KCNIP4: variants seen among roughly 807,000 people sequenced by gnomAD.
KCNIP4 encodes potassium voltage-gated channel interacting protein 4.
Under a neutral mutation model 34.0 loss-of-function variants are expected in KCNIP4, and 12 were observed. The ratio of observed to expected loss-of-function variants is 0.35; its 90% CI spans 0.23 to 0.57. The LOEUF (loss-of-function observed/expected upper bound fraction) is 0.57. Ranked by LOEUF, KCNIP4 falls within the 20% of genes least tolerant of loss-of-function variation. The probability of loss-of-function intolerance (pLI) is 0.83; values close to 1 mark genes in which losing one functional copy is unlikely to be tolerated. For synonymous variants in KCNIP4, 124 were observed against 102.2 expected (o/e 1.21, Z -1.29); for missense variants, 238 against 311.7 (o/e 0.76, Z 1.78).
At chr4:21,275,198 G>A (rs1056137381) in intron 1 of KCNIP4, among the ~76,000 whole-genome samples, 2 of 152,138 alleles carry the variant, frequency 1.3e-5, no homozygotes, top group African/African-American at 4.8e-5. Flanking sequence ...GATCCTGACA[G>A]CAAAAATAAT....
In KCNIP4 at chr4:21,470,654, T is replaced by C. The variant is rs187358949; in HGVS notation, c.61+477917A>G. On this transcript the variant is annotated intron_variant, in intron 1 of 8. Transcript: ENST00000382152. ...CTGGCAGGAGAGATGAAGAAGCATA[T>C]GAAAAAATAAAGAGAGGCACACAGT... Among the ~76,000 whole-genome samples, 725 of 151,818 alleles carry C rather than the reference T, an allele frequency of 4.8e-3. 16 individuals are homozygous for C. The highest frequency in any genetic ancestry group is 0.034 in the Admixed American group (514 of 15,234).
chr4:21,886,696 T>C (rs1726782602), intron 1 of KCNIP4, among the ~76,000 whole-genome samples: 1 of 152,156 alleles, frequency 6.6e-6, no homozygotes, highest in African/African-American at 2.4e-5. Context: ...TTAATAACTT[T>C]AAATATCTCC....
At chr4:21,762,540 A>G (rs1718129292) in intron 1 of KCNIP4, among the ~76,000 whole-genome samples, 1 of 152,170 alleles carries the variant, frequency 6.6e-6, no homozygotes, top group African/African-American at 2.4e-5. Context: ...AATACTAACA[A>G]AATTAATTTT....
intron 1 of KCNIP4, among the ~76,000 whole-genome samples, chr4:21,121,741 TG>T (rs1232014658): frequency 6.6e-6 from 1 of 152,208 alleles, no homozygotes; most frequent in Non-Finnish European, 1.5e-5. Flanking sequence ...CATAACCTTT[TG>T]CTTATCTAGG....
intron 1 of KCNIP4, among the ~76,000 whole-genome samples, chr4:21,258,756 C>T (rs554024625): frequency 2.0e-5 from 3 of 152,186 alleles, no homozygotes; most frequent in Admixed American, 1.3e-4. Context: ...AAACTTAAAT[C>T]GCTTCCCTAC....
chr4:21,015,961 G>C (rs1315829844), intron 1 of KCNIP4, among the ~76,000 whole-genome samples: 1 of 142,600 alleles, frequency 7.0e-6, no homozygotes, highest in Non-Finnish European at 1.5e-5. Flanking sequence ...AAGAGAGAAA[G>C]CTTACGGCAT....
intron 1 of KCNIP4, among the ~76,000 whole-genome samples, chr4:21,840,115 A>T (rs1476981050): frequency 6.6e-6 from 1 of 151,984 alleles, no homozygotes; most frequent in African/African-American, 2.4e-5. Flanking sequence ...TAAGTTCATT[A>T]TGCACAGCAG....
At chr4:21,753,776 C>T (rs1380270) in intron 1 of KCNIP4, among the ~76,000 whole-genome samples, 97,654 of 152,068 alleles carry the variant, frequency 0.64, 33,240 homozygotes, top group African/African-American at 0.83. Flanking sequence ...AGCATCATGC[C>T]TTTTGTGAAA....
At chr4:21,034,235 A>G (rs1741263673) in intron 1 of KCNIP4, among the ~76,000 whole-genome samples, 2 of 152,192 alleles carry the variant, frequency 1.3e-5, no homozygotes, top group Non-Finnish European at 2.9e-5. Context: ...GAATTCTAGC[A>G]GAGAACAGAG....
At chr4:21,922,661 A>G (rs570636614) in intron 1 of KCNIP4, among the ~76,000 whole-genome samples, 3 of 152,284 alleles carry the variant, frequency 2.0e-5, no homozygotes, top group Non-Finnish European at 4.4e-5. Flanking sequence ...GAGTAAGTAC[A>G]ATATAAACTG....
At chr4:20,858,110 C>G (rs1404988222) in intron 2 of KCNIP4, among the ~76,000 whole-genome samples, 2 of 145,736 alleles carry the variant, frequency 1.4e-5, no homozygotes, top group African/African-American at 2.5e-5. Context: ...ACTCGGGAGG[C>G]TGAGGCAGAA....
At chr4:21,361,807 A>T (rs1719255143) in intron 1 of KCNIP4, among the ~76,000 whole-genome samples, 2 of 152,134 alleles carry the variant, frequency 1.3e-5, no homozygotes, top group African/African-American at 4.8e-5. Context: ...AGCATACAGC[A>T]TACATATTCT....
chr4:21,030,110 G>C (rs1740884389), intron 1 of KCNIP4, among the ~76,000 whole-genome samples: 1 of 152,174 alleles, frequency 6.6e-6, no homozygotes, highest in South Asian at 2.1e-4. Flanking sequence ...CACAGTAAGA[G>C]GTGAGTAGCA....
chr4:21,529,936 G>A (rs780419956), intron 1 of KCNIP4, among the ~76,000 whole-genome samples: 9 of 152,220 alleles, frequency 5.9e-5, no homozygotes, highest in East Asian at 3.9e-4. Flanking sequence ...AACACAGTTC[G>A]CGAGGAACTC....
chr4:21,885,188 G>A lies in KCNIP4; in HGVS notation c.61+63383C>T, dbSNP rs116129725. ...ATACAGAAAGCAAGAGGAAGAAAAGGAAACAGAGGCTGAGGAAGAAATACT... is the reference window on the plus strand; with the variant it reads ...ATACAGAAAGCAAGAGGAAGAAAAGAAAACAGAGGCTGAGGAAGAAATACT... On this transcript the variant is annotated intron_variant, in intron 1 of 8. Transcript: ENST00000382152. Among the ~76,000 whole-genome samples, 356 of 152,166 alleles carry A rather than the reference G, an allele frequency of 2.3e-3. 3 individuals carry two copies. Among genetic ancestry groups the A allele is most frequent in the African/African-American group, 8.2e-3 (341 of 41,550 alleles).
At chr4:21,357,756 T>C (rs1488959676) in intron 1 of KCNIP4, among the ~76,000 whole-genome samples, 2 of 152,176 alleles carry the variant, frequency 1.3e-5, no homozygotes, top group Admixed American at 1.3e-4. Flanking sequence ...TGAAAGACAG[T>C]GTGGTGATTC....
intron 1 of KCNIP4, among the ~76,000 whole-genome samples, chr4:21,213,538 G>A (rs888671641): frequency 3.3e-5 from 5 of 152,034 alleles, no homozygotes; most frequent in African/African-American, 9.7e-5. Context: ...TTGACCTCAG[G>A]TGATCCACCT....
At chr4:20,804,195 G>A (rs754595782) in intron 3 of KCNIP4, among the ~76,000 whole-genome samples, 2 of 152,088 alleles carry the variant, frequency 1.3e-5, no homozygotes, top group Non-Finnish European at 2.9e-5. Flanking sequence ...GCATCAGATA[G>A]GTACTGTTAT....
chr4:21,007,154 G>A (rs1304784456), intron 1 of KCNIP4, among the ~76,000 whole-genome samples: 1 of 152,198 alleles, frequency 6.6e-6, no homozygotes, highest in Non-Finnish European at 1.5e-5. Flanking sequence ...TCTGGGAATG[G>A]GGATTGCACA....
Sources: allele counts gnomAD v4.1 joint callset (sites outside exome capture counted in the v4.1 genomes callset), GRCh38; gene constraint gnomAD v4.1.1; transcripts MANE v1.5; gene names NCBI Gene and HGNC (gene_info 2026-07-23, HGNC 2026-07-21).